The following ARIH1 variants were observed in gnomAD, a reference collection of about 807,000 sequenced individuals.
ARIH1 encodes the protein E3 ubiquitin-protein ligase ARIH1.
ARIH1 carries 8 observed loss-of-function variants against 85.0 expected under a neutral mutation model. The observed-to-expected ratio is 0.09, with a 90% CI of 0.06 to 0.17. The LOEUF is 0.17. Ranked by LOEUF, ARIH1 falls within the 10% of genes least tolerant of loss-of-function variation. The probability of loss-of-function intolerance (pLI) is 1.00; values close to 1 mark genes in which losing one functional copy is unlikely to be tolerated. For synonymous variants in ARIH1, 238 were observed against 253.6 expected (o/e 0.94, Z 0.59); for missense variants, 311 against 718.1 (o/e 0.43, Z 6.48).
chr15:72,557,141 A>G (rs923144733), intron 5 of ARIH1, among the ~76,000 whole-genome samples: 1 of 151,764 alleles, frequency 6.6e-6, no homozygotes, highest in African/African-American at 2.4e-5. Context: ...TTACTTTTTA[A>G]TAATATTCCT....
At chr15:72,560,785 G>A (rs2064194171) in intron 5 of ARIH1, among the ~76,000 whole-genome samples, 1 of 152,178 alleles carries the variant, frequency 6.6e-6, no homozygotes. Context: ...AGATTTTAAT[G>A]GGGTTGAACT....
intron 2 of ARIH1, among the ~76,000 whole-genome samples, chr15:72,541,569 A>G (rs2064107677): frequency 6.6e-6 from 1 of 152,242 alleles, no homozygotes; most frequent in African/African-American, 2.4e-5. Context: ...AAAAACAAAT[A>G]TGGAAGAACA....
rs1486660007 is a variant in ARIH1, at chr15:72,582,936, T to A, written c.1590-272T>A. 6.6e-6 allele frequency among the ~76,000 whole-genome samples: 1 copy of A among 152,252 alleles called. No individual in the cohort carries two copies. The highest frequency in any genetic ancestry group is 1.9e-4 in the East Asian group (1 of 5,208). On this transcript the variant is annotated intron_variant, in intron 13 of 13. Transcript: ENST00000379887. This position sits in a 1 kb window ranked among gnomAD's most constrained non-coding sequence, Gnocchi z 4.6. ...TCTGCAGAACTGTGGGATTGAATTATGATTTCTAAGGTCCATCAGAACTTG... is the reference window on the plus strand; with the variant it reads ...TCTGCAGAACTGTGGGATTGAATTAAGATTTCTAAGGTCCATCAGAACTTG...
At chr15:72,475,388 T>C (rs997539712) in intron 1 of ARIH1, among the ~76,000 whole-genome samples, 3 of 152,150 alleles carry the variant, frequency 2.0e-5, no homozygotes, top group Non-Finnish European at 1.5e-5. Flanking sequence ...TCAGGAAGAA[T>C]TGGGCCCTGA....
chr15:72,517,413 T>C (rs2063980066), intron 1 of ARIH1, among the ~76,000 whole-genome samples: 1 of 152,116 alleles, frequency 6.6e-6, no homozygotes, highest in African/African-American at 2.4e-5. Flanking sequence ...TTGGAAATTT[T>C]CCTTTTTTAA....
chr15:72,474,979 G>T lies in ARIH1; in HGVS notation c.340G>T (p.Val114Leu). 1 of 1,560,616 alleles carries T rather than the reference G, an allele frequency of 6.4e-7. No homozygotes were observed. Among genetic ancestry groups the T allele is most frequent in the Non-Finnish European group, 8.7e-7 (1 of 1,152,140 alleles). ...LTAEQILQHMVECIREVNEVI... is the reference protein window; with the variant it reads ...LTAEQILQHMLECIREVNEVI... ...GGCCGAGCAGATTCTACAACACATG[G>T]TGGAATGTATCCGGGAGGTCAACGA... Residue 114 changes from valine (V) to leucine (L), a missense_variant, in exon 1 of 14, where the codon GTG becomes TTG. Coordinates refer to ENST00000379887, the MANE Select transcript of ARIH1 (RefSeq NM_005744.5).
intron 3 of ARIH1, among the ~76,000 whole-genome samples, chr15:72,554,776 C>T (rs2064167919): frequency 6.6e-6 from 1 of 151,766 alleles, no homozygotes; most frequent in Non-Finnish European, 1.5e-5. Context: ...TTGTTTGAGA[C>T]AGGGTCTCAC....
chr15:72,485,189 A>G (rs1032496416), intron 1 of ARIH1, among the ~76,000 whole-genome samples: 5 of 152,222 alleles, frequency 3.3e-5, no homozygotes, highest in Admixed American at 2.0e-4. Flanking sequence ...CAGTGGTAAC[A>G]TCTTATAAAA....
Position 72,474,360 on chromosome 15 carries a change from G to A in ARIH1, c.-280G>A, listed in dbSNP as rs973919877. On this transcript the variant is annotated 5_prime_UTR_variant, in exon 1 of 14. Transcript: ENST00000379887. ...CGATAGCAGCGGCCGTGGAGGTGGC[G>A]TTGGGGACTGTTTTCTCTCGGAGGC... is the stretch of plus-strand genomic sequence containing the variant. 6 of 441,488 alleles carry A rather than the reference G, an allele frequency of 1.4e-5. No homozygotes were observed. The highest frequency in any genetic ancestry group is 1.0e-4 in the East Asian group (2 of 19,500). The allele number at this position is 441,488 out of a possible 1,614,324, so 27.3% of individuals were successfully genotyped here.
intron 5 of ARIH1, among the ~76,000 whole-genome samples, chr15:72,556,285 A>G (rs965712783): frequency 1.3e-5 from 2 of 152,238 alleles, no homozygotes; most frequent in Admixed American, 6.5e-5. Context: ...TAGGCCTGAC[A>G]TCTGTTAAAA....
chr15:72,484,008 T>A (rs1422472164), intron 1 of ARIH1, among the ~76,000 whole-genome samples: 13 of 149,860 alleles, frequency 8.7e-5, no homozygotes, highest in Non-Finnish European at 1.9e-4. Flanking sequence ...CCGTCTCTAC[T>A]AAAAAAATAC....
At position 72,588,288 on chromosome 15, in the gene ARIH1, C is replaced by T. The variant is rs2064326386; in HGVS notation, c.*4996C>T. ...ATGGGCAGTTTTTTTTTCCCAGCTT[C>T]TACTAGTCTTGGCTTGCAACAATGC... On this transcript the variant is annotated 3_prime_UTR_variant, in exon 14 of 14. Transcript: ENST00000379887. The T allele has an allele frequency of 1.3e-5, 2 of 152,096 alleles. No individual in the cohort carries two copies. The highest frequency in any genetic ancestry group is 6.5e-5 in the Admixed American group (1 of 15,268). 9.4% of individuals were successfully genotyped at this position (152,096 alleles called of 1,614,324 possible). A position where few individuals can be genotyped will look rare whatever the true frequency, so the allele number is the denominator to read the frequency against.
rs150850057 is a variant in ARIH1 at position 72,474,678 on chromosome 15, G to A, written c.39G>A (p.Glu13=). The change falls in exon 1 of 14, where the codon GAG becomes GAA. Residue 13 remains glutamate (E), a synonymous_variant. Coordinates refer to ENST00000379887, the MANE Select transcript of ARIH1 (RefSeq NM_005744.5). ...AGGGCTACAACTACGAGTTCGACGA[G>A]GACGAGGAGTGCAGTGAGGAGGACA... ...SDEGYNYEFD[E]DEECSEEDSG... The A allele has an allele frequency of 1.9e-6, 3 of 1,571,388 alleles. No homozygotes were observed. In the African/African-American group the frequency reaches 4.2e-5, roughly 22 times the overall value.
intron 2 of ARIH1, among the ~76,000 whole-genome samples, chr15:72,544,161 ACTT>A (rs1347903684): frequency 6.6e-6 from 1 of 152,158 alleles, no homozygotes; most frequent in East Asian, 1.9e-4. Flanking sequence ...TTGAAGATAC[ACTT>A]CTTTGTTTTA....
intron 3 of ARIH1, among the ~76,000 whole-genome samples, chr15:72,548,853 G>A (rs1442183126): frequency 6.6e-6 from 1 of 152,014 alleles, no homozygotes; most frequent in African/African-American, 2.4e-5. Flanking sequence ...TTTGCTTTAT[G>A]CAGTGTCACA....
intron 1 of ARIH1, among the ~76,000 whole-genome samples, chr15:72,517,702 G>C (rs905137127): frequency 1.3e-5 from 2 of 152,180 alleles, no homozygotes; most frequent in African/African-American, 4.8e-5. Context: ...GGGATTACAG[G>C]TGTGAGCACC....
intron 2 of ARIH1, among the ~76,000 whole-genome samples, chr15:72,519,097 T>C (rs140707452): frequency 6.6e-6 from 1 of 152,298 alleles, no homozygotes; most frequent in East Asian, 1.9e-4. Context: ...TTTGGGACAC[T>C]TGTTAATGGT....
chr15:72,569,044 C>A (rs1381434135), intron 9 of ARIH1, among the ~76,000 whole-genome samples: 7 of 152,142 alleles, frequency 4.6e-5, no homozygotes, highest in Admixed American at 4.6e-4. Context: ...TGCAGTGGCT[C>A]ACACCTGTAA....
chr15:72,583,164 T>TA, intron 13 of ARIH1, 44 bp from the exon 14 acceptor site: 2 of 1,455,382 alleles, frequency 1.4e-6, no homozygotes, highest in Non-Finnish European at 1.9e-6. Flanking sequence ...TTTTTATTAT[T>TA]AGAGGCTGAC....
Sources: allele counts gnomAD v4.1 joint callset (sites outside exome capture counted in the v4.1 genomes callset), GRCh38; gene constraint gnomAD v4.1.1; non-coding constraint Gnocchi (gnomAD v3.1); transcripts MANE v1.5; gene names NCBI Gene and HGNC (gene_info 2026-07-23, HGNC 2026-07-21).